FHL1: variants seen among roughly 807,000 people sequenced by gnomAD.
The protein encoded by FHL1 is four and a half LIM domains 1, also known as four and a half LIM domains protein 1.
FHL1 carries 1 observed loss-of-function variant against 20.3 expected under a neutral mutation model. The observed-to-expected ratio is 0.05, with a 90% CI of 0.02 to 0.23. The LOEUF (loss-of-function observed/expected upper bound fraction) is 0.23, where lower values mean the gene tolerates loss of function less well. Ranked by LOEUF, FHL1 falls within the 10% of genes least tolerant of loss-of-function variation. FHL1 has a pLI of 1.00. For synonymous variants in FHL1, 82 were observed against 88.9 expected (o/e 0.92, Z 0.44); for missense variants, 177 against 234.0 (o/e 0.76, Z 1.59).
At position 136,207,853 on chromosome X, in the gene FHL1, C is replaced by T. The variant is rs1569530453; in HGVS notation, c.441C>T (p.Asn147=). 1 of 1,212,179 alleles carries T rather than the reference C, an allele frequency of 8.2e-7. No individual in the cohort carries two copies. The highest frequency in any genetic ancestry group is 1.1e-6 in the Non-Finnish European group (1 of 895,531). ...ACAAAGACTGCTTCACCTGTAGTAA[C>T]TGCAAGCAAGTCATCGGGACTGGAA... The part of the protein sequence containing the change: ...VWHKDCFTCS[N]CKQVIGTGSF... The change falls in exon 4 of 6, where the codon AAC becomes AAT. Residue 147 remains asparagine (N), a synonymous_variant. Coordinates refer to ENST00000370683, the MANE Select transcript of FHL1 (RefSeq NM_001159699.2).
At chrX:136,192,932 T>C (rs1183531876), upstream of FHL1, among the ~76,000 whole-genome samples, 3 of 111,996 alleles carry the variant, frequency 2.7e-5, no homozygotes, top group Non-Finnish European at 5.6e-5. Context: ...CATATCATAG[T>C]GCATGACTAG....
At chrX:136,198,926 A>T (rs1413774371) in intron 1 of FHL1, among the ~76,000 whole-genome samples, 2 of 111,492 alleles carry the variant, frequency 1.8e-5, no homozygotes, top group Non-Finnish European at 3.8e-5. Context: ...TTCTCAGGGC[A>T]GGGATGGAAA....
chrX:136,160,384 A>C (rs1267678318), intron 1 of FHL1, among the ~76,000 whole-genome samples: 1 of 111,849 alleles, frequency 8.9e-6, no homozygotes, highest in Non-Finnish European at 1.9e-5. Flanking sequence ...AATACCAATA[A>C]AGGGAAGAGT....
intron 3 of FHL1, 56 bp downstream of exon 3, chrX:136,207,246 G>T: frequency 1.8e-6 from 2 of 1,125,059 alleles, no homozygotes; most frequent in Non-Finnish European, 2.4e-6. Flanking sequence ...GGGCAGACGT[G>T]ATGTGGGCTT....
intron 1 of FHL1, among the ~76,000 whole-genome samples, chrX:136,156,906 TAATC>T (rs1228067340): frequency 2.7e-5 from 3 of 110,332 alleles, no homozygotes; most frequent in Non-Finnish European, 5.7e-5. Flanking sequence ...CCTACAGACA[TAATC>T]AATCACCTGC....
intron 4 of FHL1, 119 bp from the exon 5 acceptor site, chrX:136,208,335 TG>T: frequency 1.3e-6 from 1 of 752,172 alleles, no homozygotes. Flanking sequence ...CTCCCATGGC[TG>T]TTGTGGAGAT....
At chrX:136,208,165 C>T (rs930633547) in intron 4 of FHL1, among the ~76,000 whole-genome samples, 2 of 112,226 alleles carry the variant, frequency 1.8e-5, no homozygotes, top group East Asian at 5.6e-4. Flanking sequence ...GCATCCTCAG[C>T]CTGGTGGTGC....
At chrX:136,196,052 T>G (rs779150843), upstream of FHL1, among the ~76,000 whole-genome samples, 7 of 112,133 alleles carry the variant, frequency 6.2e-5, no homozygotes, top group South Asian at 1.9e-3. Context: ...GCTCCAGTAC[T>G]AAATCCCTGC....
At chrX:136,157,116 G>A (rs1240600754) in intron 1 of FHL1, among the ~76,000 whole-genome samples, 2 of 111,392 alleles carry the variant, frequency 1.8e-5, no homozygotes, top group African/African-American at 3.3e-5. Context: ...TTTTCAACAC[G>A]TTCTAGCAAC....
intron 1 of FHL1, among the ~76,000 whole-genome samples, chrX:136,152,936 G>A (rs1253522004): frequency 9.0e-6 from 1 of 111,140 alleles, no homozygotes; most frequent in Non-Finnish European, 1.9e-5. Flanking sequence ...TTTCCAAGCT[G>A]TGCTTTGATA....
chrX:136,157,066 C>T (rs2072441704), intron 1 of FHL1, among the ~76,000 whole-genome samples: 1 of 111,325 alleles, frequency 9.0e-6, no homozygotes, highest in South Asian at 3.8e-4. Context: ...ATCACTAAGC[C>T]AGAGCAGTGG....
rs1361969647 is a variant in FHL1, at chrX:136,209,899, C to T, written c.765C>T (p.Ala255=). 1 of 1,210,415 alleles carries T rather than the reference C, an allele frequency of 8.3e-7. No individual in the cohort carries two copies. Among genetic ancestry groups the T allele is most frequent in the Non-Finnish European group, 1.1e-6 (1 of 895,212 alleles). ...TTGGTAAAGGCTCCAGTGTGGTGGC[C>T]TATGAAGGACAATCCTGGCACGACT... ...TGFGKGSSVV[A]YEGQSWHDYC... Residue 255 remains alanine, a synonymous_variant, in exon 6 of 6, where the codon GCC becomes GCT. Transcript: ENST00000370683.
chrX:136,156,179 T>G (rs181199960), intron 1 of FHL1, among the ~76,000 whole-genome samples: 1 of 111,692 alleles, frequency 9.0e-6, no homozygotes, highest in East Asian at 2.8e-4. Flanking sequence ...AAAATAACAA[T>G]CAAAATAATA....
At chrX:136,189,758 A>C (rs1187887857) in intron 2 of FHL1, among the ~76,000 whole-genome samples, 1 of 111,761 alleles carries the variant, frequency 8.9e-6, no homozygotes, top group Non-Finnish European at 1.9e-5. Context: ...TAAGTGATAG[A>C]GGCAGGATTC....
At chrX:136,182,565 CAA>C (rs1302507257) in intron 2 of FHL1, 1 of 112,088 alleles carries the variant, frequency 8.9e-6, no homozygotes, top group African/African-American at 3.2e-5. Flanking sequence ...GAATTGTGTG[CAA>C]ACACACTCTC....
At chrX:136,203,427 C>A (rs2073766038) in intron 1 of FHL1, among the ~76,000 whole-genome samples, 1 of 111,924 alleles carries the variant, frequency 8.9e-6, no homozygotes, top group African/African-American at 3.2e-5. Flanking sequence ...TTCAAAAATA[C>A]CAAGAGATGA....
At chrX:136,208,011 G>A in intron 4 of FHL1, 50 bp downstream of exon 4, 1 of 1,181,107 alleles carries the variant, frequency 8.5e-7, no homozygotes, top group Non-Finnish European at 1.2e-6. Context: ...AGAAGTGTTT[G>A]ACAGTTTGCA....
At chrX:136,201,485 C>T (rs973641955) in intron 1 of FHL1, among the ~76,000 whole-genome samples, 1 of 90,695 alleles carries the variant, frequency 1.1e-5, no homozygotes, top group Non-Finnish European at 2.4e-5. Flanking sequence ...AGTTAAACAC[C>T]GCAATTTTGC....
chrX:136,202,336 G>C (rs1311204138), intron 1 of FHL1, among the ~76,000 whole-genome samples: 1 of 112,122 alleles, frequency 8.9e-6, no homozygotes. Flanking sequence ...CTGCACTTCA[G>C]CCTGGGTGAC....
Sources: gnomAD v4.1 joint callset for allele counts (sites outside exome capture counted in the v4.1 genomes callset) on GRCh38, gnomAD v4.1.1 for gene constraint, MANE v1.5 for transcripts, NCBI Gene and HGNC (gene_info 2026-07-23, HGNC 2026-07-21) for gene names.